TIAM2: variants seen among roughly 807,000 people sequenced by gnomAD.
The protein encoded by TIAM2 is rho guanine nucleotide exchange factor TIAM2.
TIAM2 carries 80 observed loss-of-function variants against 152.9 expected under a neutral mutation model. That is an observed-to-expected ratio of 0.52 (90% CI 0.44 to 0.63). The LOEUF (loss-of-function observed/expected upper bound fraction) is 0.63, where lower values mean the gene tolerates loss of function less well. Among genes scored for constraint, TIAM2 ranks in the 30% least tolerant of loss-of-function variants. TIAM2 has a pLI of 0.00. For synonymous variants in TIAM2, 804 were observed against 838.0 expected (o/e 0.96, Z 0.70); for missense variants, 1,965 against 2,120.1 (o/e 0.93, Z 1.44).
intron 4 of TIAM2, among the ~76,000 whole-genome samples, chr6:155,130,809 T>A (rs1486797185): frequency 6.6e-6 from 1 of 152,182 alleles, no homozygotes; most frequent in Non-Finnish European, 1.5e-5. Context: ...TCTCACTGTG[T>A]CCTCATGCGG....
chr6:155,029,488 T>TAG (rs1466377594), intron 1 of TIAM2, among the ~76,000 whole-genome samples: 6 of 30,684 alleles, frequency 2.0e-4, no homozygotes, highest in African/African-American at 1.3e-3. Flanking sequence ...ATATATACTA[T>TAG]AGTATATATT....
intron 7 of TIAM2, among the ~76,000 whole-genome samples, chr6:155,163,068 C>G (rs1780316788): frequency 6.6e-6 from 1 of 152,072 alleles, no homozygotes; most frequent in African/African-American, 2.4e-5. Flanking sequence ...GGCAGAGTGT[C>G]CAGTGTTGGA....
At chr6:155,012,090 A>G (rs1389480867) in intron 1 of TIAM2, among the ~76,000 whole-genome samples, 2 of 152,240 alleles carry the variant, frequency 1.3e-5, no homozygotes, top group African/African-American at 4.8e-5. Flanking sequence ...ATAGAAAGAA[A>G]AAAAGGAGTA....
At position 155,174,781 on chromosome 6, in the gene TIAM2, C is replaced by T. The variant is rs1219864281; in HGVS notation, c.2362-2035C>T. ...TCCCACACCTGTTTATCCATAATTA[C>T]GTTCTTCCTGATCTCCAAAAGTGCA... On this transcript the variant is annotated intron_variant, in intron 9 of 26. Transcript: ENST00000682666. The surrounding 1 kb of genome is among the most constrained non-coding windows in gnomAD (Gnocchi z 4.2). Among the ~76,000 whole-genome samples, 2 of 152,194 alleles carry T rather than the reference C, an allele frequency of 1.3e-5. No individual in the cohort carries two copies. Among genetic ancestry groups the T allele is most frequent in the Non-Finnish European group, 2.9e-5 (2 of 68,042 alleles).
intron 1 of TIAM2, among the ~76,000 whole-genome samples, chr6:154,996,013 G>T (rs939942924): frequency 1.5e-4 from 23 of 152,122 alleles, no homozygotes; most frequent in Admixed American, 5.9e-4. Context: ...TGCGGTCCCT[G>T]CTCAGCCCCT....
intron 7 of TIAM2, among the ~76,000 whole-genome samples, chr6:155,157,008 A>G (rs1289193519): frequency 6.6e-6 from 1 of 152,212 alleles, no homozygotes; most frequent in Non-Finnish European, 1.5e-5. Context: ...CACTGCTGTC[A>G]TCCATGGCTT....
At chr6:155,252,243 G>A (rs1264836139) in intron 23 of TIAM2, among the ~76,000 whole-genome samples, 1 of 152,198 alleles carries the variant, frequency 6.6e-6, no homozygotes, top group African/African-American at 2.4e-5. Flanking sequence ...AGCACTTTGG[G>A]AGGCTGAGGC....
At chr6:155,124,819 A>G (rs1012203423) in intron 2 of TIAM2, among the ~76,000 whole-genome samples, 1 of 149,220 alleles carries the variant, frequency 6.7e-6, no homozygotes, top group African/African-American at 2.5e-5. Context: ...AGGCTGAGCT[A>G]TTGGATTTCC....
At chr6:155,003,850 A>G (rs1778355899) in intron 1 of TIAM2, among the ~76,000 whole-genome samples, 1 of 152,096 alleles carries the variant, frequency 6.6e-6, no homozygotes, top group Non-Finnish European at 1.5e-5. Context: ...GTGTAGTGGC[A>G]GCTGCCTGTA....
chr6:155,059,314 GTGTGTGTGTGTGCGCGTGTA>G (rs1406734012), intron 1 of TIAM2, among the ~76,000 whole-genome samples: 2 of 147,308 alleles, frequency 1.4e-5, no homozygotes, highest in African/African-American at 5.0e-5. Flanking sequence ...GTGTGTGTGT[GTGTGTGTGTGTGCGCGTGTA>G]TGTTTTTGAG....
intron 14 of TIAM2, among the ~76,000 whole-genome samples, chr6:155,204,545 C>G (rs1385332378): frequency 1.3e-5 from 2 of 151,902 alleles, no homozygotes; most frequent in East Asian, 3.8e-4. Context: ...TAGTATATTG[C>G]TTTTGGAGAA....
chr6:155,176,563 G>A (rs112536588), intron 9 of TIAM2, among the ~76,000 whole-genome samples: 13 of 152,262 alleles, frequency 8.5e-5, no homozygotes, highest in South Asian at 6.2e-4. Context: ...TGGCATAAGC[G>A]GTCAATTGAC....
At chr6:155,246,351 C>A (rs1265219958) in intron 19 of TIAM2, among the ~76,000 whole-genome samples, 5 of 152,136 alleles carry the variant, frequency 3.3e-5, no homozygotes, top group Non-Finnish European at 4.4e-5. Context: ...AAAAGCCCCA[C>A]ATTTAAAAAG....
intron 2 of TIAM2, among the ~76,000 whole-genome samples, chr6:155,091,770 C>T (rs1279182406): frequency 1.3e-5 from 2 of 152,056 alleles, no homozygotes; most frequent in East Asian, 1.9e-4. Context: ...TGTGCTTTAA[C>T]GATGTTCAAA....
At chr6:155,098,717 TC>T (rs1437576442) in intron 2 of TIAM2, among the ~76,000 whole-genome samples, 1 of 152,244 alleles carries the variant, frequency 6.6e-6, no homozygotes, top group African/African-American at 2.4e-5. Flanking sequence ...GGCCAGGATT[TC>T]CAGTACTATG....
At position 155,245,673 on chromosome 6, in the gene TIAM2, T is replaced by C. The variant is rs1433616132; in HGVS notation, c.3594T>C (p.Phe1198=). ...GGSFLYYADH[F]KLYSGFCANH... ...CTTTCCTTTATTACGCGGACCACTT[T>C]AAACTGTACAGTGGATTCTGTGCTA... The change falls in exon 19 of 27, where the codon TTT becomes TTC. Residue 1198 remains phenylalanine, a synonymous_variant. Transcript: ENST00000682666. The C allele has an allele frequency of 6.2e-7, 1 of 1,614,026 alleles. No homozygotes were observed. Among genetic ancestry groups the C allele is most frequent in the East Asian group, 2.2e-5 (1 of 44,866 alleles).
chr6:155,247,410 C>A (rs1019756665), intron 19 of TIAM2, among the ~76,000 whole-genome samples: 1 of 152,010 alleles, frequency 6.6e-6, no homozygotes, highest in African/African-American at 2.4e-5. Context: ...CTCACTGCAC[C>A]CTCCACCTCA....
chr6:155,100,308 G>A (rs1465423229), intron 2 of TIAM2, among the ~76,000 whole-genome samples: 1 of 152,200 alleles, frequency 6.6e-6, no homozygotes, highest in Non-Finnish European at 1.5e-5. Context: ...TGCCAGCACG[G>A]CGGCACTGCA....
intron 1 of TIAM2, among the ~76,000 whole-genome samples, chr6:155,024,474 C>A (rs945371491): frequency 2.0e-5 from 3 of 151,646 alleles, no homozygotes; most frequent in African/African-American, 7.3e-5. Context: ...CATTTGGTGG[C>A]AGATGGGGTA....
Sources: gnomAD v4.1 joint callset for allele counts (sites outside exome capture counted in the v4.1 genomes callset) on GRCh38, gnomAD v4.1.1 for gene constraint, Gnocchi (gnomAD v3.1) non-coding constraint, MANE v1.5 for transcripts, NCBI Gene and HGNC (gene_info 2026-07-23, HGNC 2026-07-21) for gene names.